The following TINAG variants were observed in gnomAD, a reference collection of about 807,000 sequenced individuals.
TINAG encodes tubulointerstitial nephritis antigen.
TINAG carries 83 observed loss-of-function variants against 72.7 expected under a neutral mutation model. The observed-to-expected ratio is 1.14, with a 90% CI of 0.96 to 1.37. The LOEUF (loss-of-function observed/expected upper bound fraction) is 1.37, where lower values mean the gene tolerates loss of function less well. TINAG is among the 40% of genes most tolerant of loss of function. The pLI, the probability that TINAG is intolerant of heterozygous loss-of-function variation, is 0.00. For synonymous variants in TINAG, 234 were observed against 189.9 expected, an observed-to-expected ratio of 1.23 and a Z score of -1.91; for missense variants, 685 against 576.6, an observed-to-expected ratio of 1.19 and a Z score of -1.93.
chr6:54,375,759 T>C, intron 9 of TINAG, among the ~76,000 whole-genome samples: 1 of 152,190 alleles, frequency 6.6e-6, no homozygotes, highest in South Asian at 2.1e-4. Flanking sequence ...TCTTACATTC[T>C]TATTCAGAAT....
intron 4 of TINAG, among the ~76,000 whole-genome samples, chr6:54,342,709 C>T (rs1012027398): frequency 6.6e-6 from 1 of 152,120 alleles, no homozygotes; most frequent in South Asian, 2.1e-4. Context: ...TAAATATCAA[C>T]CAATTCATCC....
At chr6:54,371,853 T>C (rs1477033073) in intron 9 of TINAG, among the ~76,000 whole-genome samples, 1 of 152,078 alleles carries the variant, frequency 6.6e-6, no homozygotes, top group Non-Finnish European at 1.5e-5. Context: ...ATGCAGTGCA[T>C]GAACAATTGT....
Position 54,313,881 on chromosome 6 carries a change from T to C in TINAG, c.355+4976T>C, listed in dbSNP as rs916261367. On this transcript the variant is annotated intron_variant, in intron 1 of 10. Coordinates refer to ENST00000259782, the MANE Select transcript of TINAG (RefSeq NM_014464.4). ...GTTTATAGTTTAAATGTGCAATTTC[T>C]ATATTATTTTGGATGTTGGAATATC... Among the ~76,000 whole-genome samples the C allele has an allele frequency of 2.6e-5, 4 of 152,204 alleles. 1 individual carries two copies. The highest frequency in any genetic ancestry group is 5.9e-5 in the Non-Finnish European group (4 of 68,036).
intron 9 of TINAG, among the ~76,000 whole-genome samples, chr6:54,371,148 GAGAA>G (rs150667922): frequency 0.059 from 8,893 of 151,846 alleles, 468 homozygotes; most frequent in East Asian, 0.29. Context: ...GTCAGAGAGA[GAGAA>G]AGAACTTTTT....
At chr6:54,332,293 G>T (rs903060406) in intron 4 of TINAG, among the ~76,000 whole-genome samples, 1 of 152,104 alleles carries the variant, frequency 6.6e-6, no homozygotes, top group Non-Finnish European at 1.5e-5. Flanking sequence ...GAACAGAACA[G>T]AGGCCTCCGA....
At chr6:54,349,348 T>C in intron 6 of TINAG, among the ~76,000 whole-genome samples, 1 of 151,994 alleles carries the variant, frequency 6.6e-6, no homozygotes, top group East Asian at 1.9e-4. Context: ...ATATTAAATT[T>C]TAAATTTAGC....
intron 9 of TINAG, among the ~76,000 whole-genome samples, chr6:54,359,697 AG>A (rs1383577005): frequency 1.3e-5 from 2 of 151,860 alleles, no homozygotes; most frequent in Non-Finnish European, 2.9e-5. Context: ...TTCTGCTAGT[AG>A]GCAAATTAGT....
chr6:54,314,605 C>T lies in TINAG; in HGVS notation c.355+5700C>T, dbSNP rs115155505. Among the ~76,000 whole-genome samples the T allele has an allele frequency of 9.3e-3, 1,407 of 152,054 alleles. 23 individuals are homozygous for T. Among genetic ancestry groups the T allele is most frequent in the African/African-American group, 0.03 (1,264 of 41,488 alleles). ...CAATCTCTGCCAAAAATTAAGAATG[C>T]GGAATCACCTAAAAACACAGTGGCT... On this transcript the variant is annotated intron_variant, in intron 1 of 10. Transcript: ENST00000259782.
rs182423268 is a variant in TINAG, at chr6:54,331,877, A to G, written c.624+4961A>G. Among the ~76,000 whole-genome samples, 19 of 152,354 alleles carry G rather than the reference A, an allele frequency of 1.2e-4. 1 individual carries two copies. The South Asian group carries it at 3.1e-3, about 25-fold the overall frequency. On this transcript the variant is annotated intron_variant, in intron 4 of 10. Coordinates refer to ENST00000259782, the MANE Select transcript of TINAG (RefSeq NM_014464.4). Reference sequence around the variant, plus strand: ...TTCACAATTTGCTACAAAGAGAATAAGATACCTCAGAATACAACCTACAAG... The same window carrying G: ...TTCACAATTTGCTACAAAGAGAATAGGATACCTCAGAATACAACCTACAAG...
chr6:54,389,795 C>T lies in TINAG; in HGVS notation c.1301C>T (p.Ala434Val), dbSNP rs888141622. 3 of 1,576,434 alleles carry T rather than the reference C, an allele frequency of 1.9e-6. No homozygotes were observed. In the East Asian group the frequency reaches 6.8e-5, roughly 36 times the overall value. The stretch of plus-strand genomic sequence containing the variant: ...TGTTTGTTTGTTTTTCTGCAGATTG[C>T]TGCCAATTCCTGGGGAAAGTCATGG... ...AQGQKEKFWIAANSWGKSWGE... is the reference protein window; with the variant it reads ...AQGQKEKFWIVANSWGKSWGE... The change falls in exon 11 of 11, where the codon GCT (alanine) becomes GTT (valine). Residue 434 changes from alanine to valine, a missense_variant. Ala to Val is a moderately conservative substitution (Grantham distance 64, BLOSUM62 0). Coordinates refer to ENST00000259782, the MANE Select transcript of TINAG (RefSeq NM_014464.4).
chr6:54,308,949 A>C (rs777251272), intron 1 of TINAG, 44 bp downstream of exon 1: 4 of 1,455,958 alleles, frequency 2.7e-6, no homozygotes, highest in Non-Finnish European at 3.7e-6. Context: ...CGTTCATAAC[A>C]ACAAGATCTG....
At chr6:54,331,593 T>A (rs149074633) in intron 4 of TINAG, among the ~76,000 whole-genome samples, 41 of 152,314 alleles carry the variant, frequency 2.7e-4, no homozygotes, top group African/African-American at 9.6e-4. Context: ...AACATAGTAT[T>A]GGAAGTTCTG....
chr6:54,315,481 A>T (rs1223798026), intron 1 of TINAG, among the ~76,000 whole-genome samples: 1 of 151,916 alleles, frequency 6.6e-6, no homozygotes, highest in Non-Finnish European at 1.5e-5. Context: ...CCAGCCTAGC[A>T]GTACAATAAG....
intron 4 of TINAG, among the ~76,000 whole-genome samples, chr6:54,333,180 G>A (rs1056501802): frequency 2.6e-5 from 4 of 152,116 alleles, no homozygotes; most frequent in Non-Finnish European, 5.9e-5. Flanking sequence ...TATGTTTATT[G>A]CAGCACCATT....
intron 1 of TINAG, among the ~76,000 whole-genome samples, chr6:54,313,411 C>A (rs1043927364): frequency 1.3e-5 from 2 of 152,062 alleles, no homozygotes; most frequent in Admixed American, 6.6e-5. Context: ...TTAACAGACC[C>A]TTCTGTAATA....
intron 4 of TINAG, among the ~76,000 whole-genome samples, chr6:54,329,507 C>T (rs1243054498): frequency 6.6e-6 from 1 of 152,104 alleles, no homozygotes; most frequent in East Asian, 1.9e-4. Context: ...CTGGTACCAG[C>T]CACTGCAAAA....
chr6:54,380,615 T>C (rs1763918071), intron 10 of TINAG, 44 bp downstream of exon 10: 2 of 1,505,240 alleles, frequency 1.3e-6, no homozygotes, highest in Non-Finnish European at 9.2e-7. Flanking sequence ...GAAGTGAATA[T>C]GTTCAAATCT....
rs1261042367 is a variant in TINAG, at chr6:54,326,892, G to A, written c.600G>A (p.Met200Ile). The change falls in exon 4 of 11, where the codon ATG becomes ATA. Residue 200 changes from methionine (M) to isoleucine (I), a missense_variant. By Grantham distance (10) the Met-to-Ile change is conservative. Coordinates refer to ENST00000259782, the MANE Select transcript of TINAG (RefSeq NM_014464.4). ...FRLGTLPPSP[M>I]LLSMNEMTAS... ...TTGGCACTTTGCCACCTAGTCCCAT[G>A]CTCCTGAGCATGAATGAAATGACAG... 1 of 1,612,500 alleles carries A rather than the reference G, an allele frequency of 6.2e-7. No homozygotes were observed. Among genetic ancestry groups the A allele is most frequent in the South Asian group, 1.1e-5 (1 of 90,376 alleles).
At chr6:54,374,480 A>G (rs1482699063) in intron 9 of TINAG, among the ~76,000 whole-genome samples, 2 of 152,114 alleles carry the variant, frequency 1.3e-5, no homozygotes, top group Non-Finnish European at 2.9e-5. Flanking sequence ...TCTAGCATTA[A>G]TTAGCACTTT....
Sources: allele counts gnomAD v4.1 joint callset (sites outside exome capture counted in the v4.1 genomes callset), GRCh38; gene constraint gnomAD v4.1.1; transcripts MANE v1.5; gene names NCBI Gene and HGNC (gene_info 2026-07-23, HGNC 2026-07-21).